The following TENM1 variants were observed in gnomAD, a reference collection of about 807,000 sequenced individuals.
TENM1 encodes the protein teneurin-1.
A neutral mutation model predicts 174.8 loss-of-function variants in TENM1; 35 were observed. The observed-to-expected ratio is 0.20, with a 90% CI of 0.15 to 0.27. TENM1 has a LOEUF of 0.27. Ranked by LOEUF, TENM1 falls within the 10% of genes least tolerant of loss-of-function variation. The pLI is 1.00. For missense variants in TENM1, 1,633 were observed against 2,130.1 expected (o/e 0.77, Z 4.59); for synonymous variants, 781 against 798.7 (o/e 0.98, Z 0.37).
At chrX:124,582,791 G>T (rs1490328650) in intron 11 of TENM1, among the ~76,000 whole-genome samples, 1 of 112,047 alleles carries the variant, frequency 8.9e-6, no homozygotes, top group East Asian at 2.8e-4. Context: ...TCAAAGAAAG[G>T]GGTGAATCGG....
At chrX:124,641,223 T>C (rs1032817641) in intron 11 of TENM1, among the ~76,000 whole-genome samples, 10 of 111,774 alleles carry the variant, frequency 8.9e-5, no homozygotes, top group African/African-American at 2.6e-4. Flanking sequence ...AGAAAGATTT[T>C]TGGAATAGTT....
chrX:125,098,323 G>A, the TENM1 span, among the ~76,000 whole-genome samples: 1 of 111,797 alleles, frequency 8.9e-6, no homozygotes, highest in Non-Finnish European at 1.9e-5. Context: ...AACTCCATAG[G>A]ATCTATTTAG....
intron 1 of TENM1, among the ~76,000 whole-genome samples, chrX:124,929,638 C>G (rs1322602817): frequency 1.8e-5 from 2 of 111,957 alleles, no homozygotes; most frequent in Non-Finnish European, 3.8e-5. Context: ...TGTCAAAATA[C>G]AGCTAAACCA....
chrX:124,751,270 T>C (rs2054059147), intron 3 of TENM1, among the ~76,000 whole-genome samples: 1 of 111,987 alleles, frequency 8.9e-6, no homozygotes, highest in Non-Finnish European at 1.9e-5. Context: ...ACCATCTCTC[T>C]ACTATGGGAA....
intron 3 of TENM1, among the ~76,000 whole-genome samples, chrX:124,817,816 C>T (rs897738623): frequency 1.3e-4 from 14 of 111,500 alleles, no homozygotes; most frequent in Non-Finnish European, 2.6e-4. Context: ...CCCACCCATA[C>T]CCCCAGGAAA....
intron 4 of TENM1, among the ~76,000 whole-genome samples, chrX:124,707,575 A>G (rs753240874): frequency 2.3e-4 from 26 of 111,441 alleles, no homozygotes; most frequent in Non-Finnish European, 4.7e-4. Context: ...TTATATCCTC[A>G]TTAACATACT....
At chrX:125,171,029 C>T in the TENM1 span, among the ~76,000 whole-genome samples, 2 of 110,804 alleles carry the variant, frequency 1.8e-5, no homozygotes, top group African/African-American at 3.3e-5. Context: ...TTCACATCTA[C>T]CTCTATTACT....
intron 14 of TENM1, among the ~76,000 whole-genome samples, chrX:124,550,815 G>C (rs928913500): frequency 9.2e-6 from 1 of 108,653 alleles, no homozygotes; most frequent in African/African-American, 3.4e-5. Flanking sequence ...CTGGAGTGCA[G>C]TGGCGTGATC....
intron 3 of TENM1, among the ~76,000 whole-genome samples, chrX:124,800,463 T>C (rs898948198): frequency 9.0e-6 from 1 of 111,648 alleles, no homozygotes; most frequent in Admixed American, 9.5e-5. Flanking sequence ...TCATTTTTTA[T>C]TGTGTCTATT....
chrX:124,414,994 T>A (rs12856848), intron 25 of TENM1, among the ~76,000 whole-genome samples: 12,602 of 111,284 alleles, frequency 0.11, 650 homozygotes, highest in Middle Eastern at 0.21. Flanking sequence ...TCGAGTTCTT[T>A]TAGGAGGGCC....
intron 18 of TENM1, among the ~76,000 whole-genome samples, chrX:124,510,524 T>C (rs1160536732): frequency 8.9e-6 from 1 of 111,786 alleles, no homozygotes; most frequent in East Asian, 2.8e-4. Context: ...GTTTGAATGA[T>C]AAATTATGTG....
intron 1 of TENM1, among the ~76,000 whole-genome samples, chrX:124,946,869 G>T (rs1298427807): frequency 9.4e-6 from 1 of 106,028 alleles, no homozygotes; most frequent in African/African-American, 3.5e-5. Context: ...GAGGTAGAAG[G>T]AAGGAGAAAA....
chrX:124,821,232 C>T (rs1442963676), intron 3 of TENM1, among the ~76,000 whole-genome samples: 2 of 111,869 alleles, frequency 1.8e-5, no homozygotes, highest in African/African-American at 6.5e-5. Context: ...GTGATCACTA[C>T]AGAGAGGTGG....
At chrX:124,606,644 G>C (rs1424496881) in intron 11 of TENM1, among the ~76,000 whole-genome samples, 2 of 111,232 alleles carry the variant, frequency 1.8e-5, no homozygotes, top group South Asian at 3.8e-4. Context: ...GAGAGTAGGA[G>C]AGGGAAAAAG....
At chrX:124,458,256 C>T (rs923624341) in intron 22 of TENM1, among the ~76,000 whole-genome samples, 2 of 112,278 alleles carry the variant, frequency 1.8e-5, no homozygotes, top group East Asian at 5.6e-4. Flanking sequence ...CTTAATTACC[C>T]TCTGGGATCA....
chrX:124,773,037 T>C (rs1467388696), intron 3 of TENM1, among the ~76,000 whole-genome samples: 1 of 112,027 alleles, frequency 8.9e-6, no homozygotes, highest in Admixed American at 9.5e-5. Flanking sequence ...ACATAACATT[T>C]AGGGCAATTT....
chrX:125,098,167 G>A, the TENM1 span, among the ~76,000 whole-genome samples: 1 of 111,494 alleles, frequency 9.0e-6, no homozygotes, highest in Non-Finnish European at 1.9e-5. Flanking sequence ...AGGAGGCTGA[G>A]GCAGGAGAAT....
intron 3 of TENM1, among the ~76,000 whole-genome samples, chrX:124,830,485 A>G (rs2056265887): frequency 9.0e-6 from 1 of 111,682 alleles, no homozygotes; most frequent in South Asian, 3.8e-4. Flanking sequence ...CAAAGAGGGT[A>G]TCATTAGTTA....
chrX:124,524,300 A>G (rs781176196), intron 16 of TENM1, among the ~76,000 whole-genome samples: 2 of 112,342 alleles, frequency 1.8e-5, no homozygotes, highest in Non-Finnish European at 3.8e-5. Context: ...TCTAACATTT[A>G]GCAGCATCTT....
Sources: allele counts gnomAD v4.1 joint callset (sites outside exome capture counted in the v4.1 genomes callset), GRCh38; gene constraint gnomAD v4.1.1; transcripts MANE v1.5; gene names NCBI Gene and HGNC (gene_info 2026-07-23, HGNC 2026-07-21).